PIK3R3: variants seen among roughly 807,000 people sequenced by gnomAD.
The protein encoded by PIK3R3 is phosphoinositide-3-kinase regulatory subunit 3, also known as phosphatidylinositol 3-kinase regulatory subunit gamma.
A neutral mutation model predicts 62.9 loss-of-function variants in PIK3R3; 64 were observed. That is an observed-to-expected ratio of 1.02 (90% confidence interval 0.83 to 1.25). The LOEUF (loss-of-function observed/expected upper bound fraction) is 1.25. Among genes scored for constraint, PIK3R3 ranks in the 50% most tolerant of loss-of-function variants. The pLI, the probability that PIK3R3 is intolerant of heterozygous loss-of-function variation, is 0.00. For synonymous variants in PIK3R3, 165 were observed against 189.0 expected, an observed-to-expected ratio of 0.87 and a Z score of 1.04; for missense variants, 614 against 561.6, an observed-to-expected ratio of 1.09 and a Z score of -0.94.
In PIK3R3 at chr1:46,116,660, C is replaced by CA. The variant is rs879367355; in HGVS notation, c.106+15186dup. Among the ~76,000 whole-genome samples the CA allele has an allele frequency of 4.1e-3, 520 of 126,226 alleles. 2 individuals carry two copies. Among genetic ancestry groups the CA allele is most frequent in the East Asian group, 0.019 (89 of 4,588 alleles). 82.8% of individuals were successfully genotyped at this position (126,226 alleles called of 152,430 possible). On this transcript the variant is annotated intron_variant, in intron 1 of 9. Coordinates refer to ENST00000262741, the MANE Select transcript of PIK3R3 (RefSeq NM_003629.4). ...CTGGGTGACAGAGCGAAACTCCATC[C>CA]AAAAAAAAAAAAAATTTTGTTTTAA...
At chr1:46,097,494 GCAT>G (rs1188259690) in intron 1 of PIK3R3, among the ~76,000 whole-genome samples, 1 of 152,150 alleles carries the variant, frequency 6.6e-6, no homozygotes, top group Non-Finnish European at 1.5e-5. Flanking sequence ...CCCACATCTA[GCAT>G]CATAATTCAT....
At position 46,042,440 on chromosome 1, in the gene PIK3R3, T is replaced by G. The variant is rs543634160; in HGVS notation, c.*1233A>C. On this transcript the variant is annotated 3_prime_UTR_variant, in exon 10 of 10. Transcript: ENST00000262741. The surrounding 1 kb of genome is among the most constrained non-coding windows in gnomAD (Gnocchi z 4.3). ...TCAGAAACCACTGTATGGAAGCACATGTGTAATGTGGTGTGACTCTCACCC... is the reference window on the plus strand; with the variant it reads ...TCAGAAACCACTGTATGGAAGCACAGGTGTAATGTGGTGTGACTCTCACCC... 4.4e-6 allele frequency: 1 copy of G among 225,566 alleles called. No individual in the cohort carries two copies. The highest frequency in any genetic ancestry group is 2.2e-5 in the African/African-American group (1 of 45,008). 14.0% of individuals were successfully genotyped at this position (225,566 alleles called of 1,614,324 possible).
intron 1 of PIK3R3, among the ~76,000 whole-genome samples, chr1:46,085,450 A>T (rs1650971308): frequency 6.6e-6 from 1 of 152,182 alleles, no homozygotes; most frequent in Admixed American, 6.5e-5. Context: ...AGCTCTATCA[A>T]ACTAAACTGA....
chr1:46,131,411 T>C (rs946508728), intron 1 of PIK3R3, among the ~76,000 whole-genome samples: 9 of 152,038 alleles, frequency 5.9e-5, no homozygotes, highest in African/African-American at 1.7e-4. Flanking sequence ...ATTAGACAAA[T>C]GTATGAAAGG....
rs114561803 is a variant in PIK3R3 at position 46,049,036 on chromosome 1, C to G, written c.942-2411G>C. 3.0e-3 allele frequency among the ~76,000 whole-genome samples: 458 copies of G among 152,216 alleles called. 3 individuals are homozygous for G. Among genetic ancestry groups the G allele is most frequent in the African/African-American group, 0.011 (441 of 41,542 alleles). On this transcript the variant is annotated intron_variant, in intron 7 of 9. Transcript: ENST00000262741. ...GGCAAAACATTCAAAGACCTAACAT[C>G]CAGCTCTGATTCTGTTGGTGTGGTA...
chr1:46,133,951 G>C (rs1571593807), upstream of PIK3R3, among the ~76,000 whole-genome samples: 1 of 152,132 alleles, frequency 6.6e-6, no homozygotes, highest in African/African-American at 2.4e-5. Flanking sequence ...CACCCCCAAA[G>C]CTTAAATCTG....
At chr1:46,118,619 G>A (rs569043607) in intron 1 of PIK3R3, among the ~76,000 whole-genome samples, 3 of 144,702 alleles carry the variant, frequency 2.1e-5, no homozygotes, top group South Asian at 4.4e-4. Flanking sequence ...GCAGTGGCAC[G>A]ATCTCAGCTC....
At chr1:46,140,116 G>A in the PIK3R3 span, among the ~76,000 whole-genome samples, 1 of 152,162 alleles carries the variant, frequency 6.6e-6, no homozygotes, top group African/African-American at 2.4e-5. Context: ...AGCCTCCCGA[G>A]TAGCTGGGAC....
At chr1:46,150,608 A>G in the PIK3R3 span, among the ~76,000 whole-genome samples, 1 of 152,178 alleles carries the variant, frequency 6.6e-6, no homozygotes, top group East Asian at 1.9e-4. Flanking sequence ...TGGCCCTTCC[A>G]TGACAACTTC....
At chr1:46,113,939 C>T (rs785501) in intron 1 of PIK3R3, among the ~76,000 whole-genome samples, 102,622 of 151,988 alleles carry the variant, frequency 0.68, 34,890 homozygotes, top group Non-Finnish European at 0.71. Context: ...AAAAATATAT[C>T]TTAGATGACA....
chr1:46,173,819 TCTCA>T, the PIK3R3 span, among the ~76,000 whole-genome samples: 1 of 151,934 alleles, frequency 6.6e-6, no homozygotes, highest in African/African-American at 2.4e-5. Flanking sequence ...AAACACACAC[TCTCA>T]CAGACACAGA....
the PIK3R3 span, among the ~76,000 whole-genome samples, chr1:46,141,261 TTTTAC>T: frequency 6.6e-6 from 1 of 151,746 alleles, no homozygotes; most frequent in African/African-American, 2.4e-5. Context: ...GCACATTTTA[TTTTAC>T]TTTATTTTAT....
At chr1:46,132,630 G>A (rs1002577914), upstream of PIK3R3, 5 of 1,289,642 alleles carry the variant, frequency 3.9e-6, no homozygotes, top group Admixed American at 9.2e-5. Context: ...AGCTCTGCCC[G>A]GACTCCAGCC....
chr1:46,118,532 C>T (rs999565999), intron 1 of PIK3R3, among the ~76,000 whole-genome samples: 5 of 151,792 alleles, frequency 3.3e-5, no homozygotes, highest in African/African-American at 1.2e-4. Context: ...GGGAAAGCCC[C>T]ACCACCCATA....
chr1:46,141,365 G>A, the PIK3R3 span, among the ~76,000 whole-genome samples: 3 of 151,910 alleles, frequency 2.0e-5, no homozygotes, highest in Admixed American at 1.3e-4. Context: ...TCCGCCTCCC[G>A]GGTTCAAGCA....
chr1:46,173,280 T>TACTCAGAG, the PIK3R3 span, among the ~76,000 whole-genome samples: 4 of 152,220 alleles, frequency 2.6e-5, no homozygotes, highest in Non-Finnish European at 4.4e-5. Context: ...CTGTTACAAG[T>TACTCAGAG]ACTCAGAGAC....
chr1:46,040,456 G>A lies in PIK3R3; in HGVS notation c.*3217C>T, dbSNP rs1646975509. 4.3e-6 allele frequency: 1 copy of A among 230,114 alleles called. No individual in the cohort carries two copies. 14.3% of individuals were successfully genotyped at this position (230,114 alleles called of 1,614,324 possible). On this transcript the variant is annotated 3_prime_UTR_variant, in exon 10 of 10. Transcript: ENST00000262741. The stretch of plus-strand genomic sequence containing the variant: ...ACAGAATAGATTTTTCACAAGTAAC[G>A]GCACCAAAGTCACATGCTGGAATTT...
chr1:46,041,202 C>A lies in PIK3R3; in HGVS notation c.*2471G>T, dbSNP rs1646990190. The A allele has an allele frequency of 6.5e-6, 1 of 153,752 alleles. No individual in the cohort carries two copies. Among genetic ancestry groups the A allele is most frequent in the Non-Finnish European group, 1.5e-5 (1 of 68,950 alleles). The allele number at this position is 153,752 out of a possible 1,614,324, so 9.5% of individuals were successfully genotyped here. A position where few individuals can be genotyped will look rare whatever the true frequency, so the allele number is the denominator to read the frequency against. On this transcript the variant is annotated 3_prime_UTR_variant, in exon 10 of 10. Coordinates refer to ENST00000262741, the MANE Select transcript of PIK3R3 (RefSeq NM_003629.4). The stretch of plus-strand genomic sequence containing the variant: ...TGGGCGTAGAGAAGCACCTTGCTAC[C>A]CTCTCCCCCTCTACACACCAGGCCC...
At chr1:46,152,785 G>T in the PIK3R3 span, among the ~76,000 whole-genome samples, 1 of 151,984 alleles carries the variant, frequency 6.6e-6, no homozygotes, top group Non-Finnish European at 1.5e-5. Flanking sequence ...GGATGGTCTC[G>T]ATCTCCTGAC....
Sources: allele counts gnomAD v4.1 joint callset (sites outside exome capture counted in the v4.1 genomes callset), GRCh38; gene constraint gnomAD v4.1.1; non-coding constraint Gnocchi (gnomAD v3.1); transcripts MANE v1.5; gene names NCBI Gene and HGNC (gene_info 2026-07-23, HGNC 2026-07-21).